The following CCDC150 variants were observed in gnomAD, a reference collection of about 807,000 sequenced individuals.
CCDC150 encodes coiled-coil domain containing 150, also known as coiled-coil domain-containing protein 150.
CCDC150 carries 151 observed loss-of-function variants against 156.5 expected under a neutral mutation model. The ratio of observed to expected loss-of-function variants is 0.97; its 90% CI spans 0.85 to 1.10. The LOEUF is 1.10. Among genes scored for constraint, CCDC150 ranks in the 50% least tolerant of loss-of-function variants. The pLI is 0.00. For synonymous variants in CCDC150, 452 were observed against 429.4 expected (o/e 1.05, Z -0.65); for missense variants, 1,312 against 1,268.1 (o/e 1.03, Z -0.53).
At chr2:196,671,427 C>CTT (rs397987214) in intron 8 of CCDC150, among the ~76,000 whole-genome samples, 1,794 of 108,630 alleles carry the variant, frequency 0.017, 48 homozygotes, top group East Asian at 0.027. Flanking sequence ...TTTTCTCTCT[C>CTT]TTTTTTTTTT....
chr2:196,674,145 C>T lies in CCDC150; in HGVS notation c.1030-96C>T. On this transcript the variant is annotated intron_variant, in intron 9 of 27. Transcript: ENST00000389175. The stretch of plus-strand genomic sequence containing the variant: ...GTTAAATAGATTAGTTTCATATATA[C>T]AGTGAGATACTATGCAATCATTAAA... 3 of 731,946 alleles carry T rather than the reference C, an allele frequency of 4.1e-6. 1 individual carries two copies. The South Asian group carries it at 5.2e-5, about 13-fold the overall frequency. 45.3% of individuals were successfully genotyped at this position (731,946 alleles called of 1,614,324 possible). A position where few individuals can be genotyped will look rare whatever the true frequency, so the allele number is the denominator to read the frequency against.
chr2:196,716,625 G>T (rs1697520044), intron 17 of CCDC150, among the ~76,000 whole-genome samples: 1 of 152,084 alleles, frequency 6.6e-6, no homozygotes, highest in South Asian at 2.1e-4. Flanking sequence ...AGACAGAAGG[G>T]GAAGATTACA....
intron 13 of CCDC150, among the ~76,000 whole-genome samples, chr2:196,685,343 C>G (rs1190700567): frequency 6.6e-6 from 1 of 152,020 alleles, no homozygotes; most frequent in Non-Finnish European, 1.5e-5. Flanking sequence ...TTATTTTAGC[C>G]TAAAGAACTT....
intron 7 of CCDC150, 92 bp downstream of exon 7, chr2:196,666,940 G>C: frequency 7.3e-7 from 1 of 1,377,690 alleles, no homozygotes; most frequent in Non-Finnish European, 1.0e-6. Flanking sequence ...AAAGTGGCCA[G>C]TGTTATTGGT....
Position 196,701,168 on chromosome 2 carries a change from C to T in CCDC150, c.1683C>T (p.Asn561=), listed in dbSNP as rs143780850. The T allele has an allele frequency of 9.4e-6, 15 of 1,600,268 alleles. No homozygotes were observed. The highest frequency in any genetic ancestry group is 1.7e-4 in the Middle Eastern group (1 of 6,026). Residue 561 remains asparagine, a synonymous_variant, in exon 15 of 28, where the codon AAC becomes AAT. Coordinates refer to ENST00000389175, the MANE Select transcript of CCDC150 (RefSeq NM_001080539.2). ...GTAAAAATAAACTGGCCTATGAAAA[C>T]GGAAAACTCCAGGTATGAGATTTAT... is the stretch of plus-strand genomic sequence containing the variant. ...TESKNKLAYE[N]GKLQIKVKQL...
intron 14 of CCDC150, 89 bp from the exon 15 acceptor site, chr2:196,701,020 A>G (rs1390616124): frequency 2.5e-6 from 2 of 790,308 alleles, no homozygotes; most frequent in South Asian, 1.8e-5. Context: ...GATGATAGAA[A>G]TGGTAAGGAT....
At chr2:196,721,448 G>A in intron 20 of CCDC150, 74 bp from the exon 21 acceptor site, 1 of 1,133,662 alleles carries the variant, frequency 8.8e-7, no homozygotes, top group Non-Finnish European at 1.2e-6. Flanking sequence ...AATGTGAGGA[G>A]TGATTACACA....
At chr2:196,717,693 A>G (rs1697616497) in intron 17 of CCDC150, among the ~76,000 whole-genome samples, 1 of 152,132 alleles carries the variant, frequency 6.6e-6, no homozygotes, top group Non-Finnish European at 1.5e-5. Context: ...GGAGTTCGAG[A>G]CCAGCCTGAC....
Position 196,718,546 on chromosome 2 carries a change from C to T in CCDC150, c.1910C>T (p.Thr637Ile), listed in dbSNP as rs983333547. ...AGAAGTAAAGAGGAGCTGTCCCGAA[C>T]AGTGAAGTGTCGTAATGCGGCCCTG... ...LERSKEELSR[T>I]VKCRNAALKE... is the part of the protein sequence containing the mutation. The change falls in exon 18 of 28, where the codon ACA (threonine) becomes ATA (isoleucine). Residue 637 changes from threonine (T) to isoleucine (I), a missense_variant. Physicochemically the swap from Thr to Ile is moderately conservative, Grantham distance 89 (BLOSUM62 -1). Coordinates refer to ENST00000389175, the MANE Select transcript of CCDC150 (RefSeq NM_001080539.2). 3 of 1,613,394 alleles carry T rather than the reference C, an allele frequency of 1.9e-6. No homozygotes were observed. Among genetic ancestry groups the T allele is most frequent in the Middle Eastern group, 1.6e-4 (1 of 6,082 alleles).
intron 26 of CCDC150, among the ~76,000 whole-genome samples, chr2:196,731,407 T>C (rs1698514392): frequency 6.6e-6 from 1 of 150,964 alleles, no homozygotes; most frequent in Non-Finnish European, 1.5e-5. Flanking sequence ...TTTTTTTTTT[T>C]TCCAAGACAG....
intron 27 of CCDC150, 61 bp from the exon 28 acceptor site, chr2:196,732,385 G>T (rs569986322): frequency 1.1e-5 from 14 of 1,293,202 alleles, no homozygotes; most frequent in African/African-American, 8.7e-5. Context: ...AGGCAAAACA[G>T]GTGCAGATTG....
At chr2:196,682,622 C>G (rs977783582) in intron 13 of CCDC150, among the ~76,000 whole-genome samples, 5 of 151,992 alleles carry the variant, frequency 3.3e-5, no homozygotes, top group South Asian at 2.1e-4. Flanking sequence ...CACTTAATGT[C>G]ATCAGTAGGT....
chr2:196,709,023 G>A (rs1002047213), intron 15 of CCDC150, among the ~76,000 whole-genome samples: 17 of 152,274 alleles, frequency 1.1e-4, no homozygotes, highest in African/African-American at 3.9e-4. Flanking sequence ...GGTGTTCTCT[G>A]TATATCCTGA....
intron 20 of CCDC150, 104 bp downstream of exon 20, chr2:196,720,772 T>A: frequency 9.9e-7 from 1 of 1,012,188 alleles, no homozygotes; most frequent in Non-Finnish European, 1.5e-6. Context: ...AAATGTTTTT[T>A]TCAATCAAGT....
chr2:196,676,727 G>T lies in CCDC150; in HGVS notation c.1436G>T (p.Arg479Met), dbSNP rs779236272. ...CTAGAGGAGAAAGAAAGATTTCAGA[G>T]GGAGGTAGGTAGAAGCAAATTTACA... Reference protein sequence around the residue: ...SLLEEKERFQREVNKTEKEIV... With the variant: ...SLLEEKERFQMEVNKTEKEIV... The change falls in exon 12 of 28, where the codon AGG (arginine) becomes ATG (methionine). Residue 479 changes from arginine to methionine, a missense_variant. Coordinates refer to ENST00000389175, the MANE Select transcript of CCDC150 (RefSeq NM_001080539.2). The T allele has an allele frequency of 2.5e-6, 4 of 1,611,774 alleles. No individual in the cohort carries two copies. Among genetic ancestry groups the T allele is most frequent in the South Asian group, 2.2e-5 (2 of 90,720 alleles).
At chr2:196,717,657 C>T (rs762708405) in intron 17 of CCDC150, among the ~76,000 whole-genome samples, 5 of 152,054 alleles carry the variant, frequency 3.3e-5, no homozygotes, top group East Asian at 1.9e-4. Flanking sequence ...TTTGGGAGGC[C>T]GAGGTGAGCA....
intron 14 of CCDC150, among the ~76,000 whole-genome samples, chr2:196,695,595 G>C (rs1475784337): frequency 6.6e-6 from 1 of 152,088 alleles, no homozygotes; most frequent in Non-Finnish European, 1.5e-5. Flanking sequence ...TGTAATCCCA[G>C]CACTTTGGGA....
intron 13 of CCDC150, among the ~76,000 whole-genome samples, chr2:196,677,631 A>G (rs1694591716): frequency 6.6e-6 from 1 of 152,164 alleles, no homozygotes; most frequent in Non-Finnish European, 1.5e-5. Flanking sequence ...CCAAGAAGTC[A>G]CCTGAGAGTT....
intron 17 of CCDC150, chr2:196,713,791 G>A: frequency 2.5e-6 from 3 of 1,191,100 alleles, no homozygotes. Flanking sequence ...AAGGAAATAA[G>A]GTTCTTCACA....
Sources: allele counts gnomAD v4.1 joint callset (sites outside exome capture counted in the v4.1 genomes callset), GRCh38; gene constraint gnomAD v4.1.1; transcripts MANE v1.5; gene names NCBI Gene and HGNC (gene_info 2026-07-23, HGNC 2026-07-21).